Variants in SDK1 observed in about 807,000 individuals in gnomAD.
SDK1 encodes protein sidekick-1.
SDK1 carries 157 observed loss-of-function variants against 245.5 expected under a neutral mutation model. That is an observed-to-expected ratio of 0.64 (90% CI 0.56 to 0.73). The LOEUF (loss-of-function observed/expected upper bound fraction) is 0.73. Among genes scored for constraint, SDK1 ranks in the 30% least tolerant of loss-of-function variants. SDK1 has a pLI of 0.00. For synonymous variants in SDK1, 1,647 were observed against 1,278.5 expected (o/e 1.29, Z -6.15); for missense variants, 3,583 against 3,002.3 (o/e 1.19, Z -4.52).
At chr7:3,501,012 TTTC>T (rs1341143447) in intron 1 of SDK1, among the ~76,000 whole-genome samples, 3 of 152,256 alleles carry the variant, frequency 2.0e-5, no homozygotes, top group Non-Finnish European at 2.9e-5. Flanking sequence ...CTCTGCATAC[TTTC>T]TTCTTTATTA....
At chr7:3,900,118 T>G (rs955489372) in intron 5 of SDK1, among the ~76,000 whole-genome samples, 2 of 152,246 alleles carry the variant, frequency 1.3e-5, no homozygotes, top group Non-Finnish European at 2.9e-5. Context: ...CAGTTTCCTC[T>G]TTGCTGAAGA....
intron 5 of SDK1, among the ~76,000 whole-genome samples, chr7:3,922,812 GT>G: frequency 6.6e-6 from 1 of 152,292 alleles, no homozygotes; most frequent in East Asian, 1.9e-4. Context: ...AGTCGGGGAA[GT>G]TTTTCCACGT....
intron 19 of SDK1, among the ~76,000 whole-genome samples, chr7:4,062,315 G>C (rs970204478): frequency 3.9e-5 from 6 of 152,076 alleles, no homozygotes; most frequent in African/African-American, 1.4e-4. Context: ...AATATCATTT[G>C]AGACTCTTAC....
At chr7:3,717,630 ATAC>A (rs1474253229) in intron 4 of SDK1, among the ~76,000 whole-genome samples, 5 of 152,222 alleles carry the variant, frequency 3.3e-5, no homozygotes, top group Admixed American at 2.6e-4. Context: ...TGATAGGAAA[ATAC>A]TACAGCAGGT....
intron 1 of SDK1, among the ~76,000 whole-genome samples, chr7:3,342,478 C>T (rs1195517076): frequency 6.6e-6 from 1 of 151,988 alleles, no homozygotes; most frequent in East Asian, 1.9e-4. Flanking sequence ...ATCCCAGTTA[C>T]TCAGGAGGCT....
chr7:3,940,167 A>G (rs1780304064), intron 5 of SDK1, among the ~76,000 whole-genome samples: 1 of 147,478 alleles, frequency 6.8e-6, no homozygotes, highest in Non-Finnish European at 1.5e-5. Context: ...GACCTACAGA[A>G]CTTCTCATTG....
At chr7:3,333,015 G>A (rs896898634) in intron 1 of SDK1, among the ~76,000 whole-genome samples, 1 of 152,138 alleles carries the variant, frequency 6.6e-6, no homozygotes, top group East Asian at 1.9e-4. Flanking sequence ...TCAGTGTATT[G>A]TAACCTTTTA....
rs1388837060 is a variant in SDK1 at position 3,962,682 on chromosome 7, G to T, written c.1260G>T (p.Trp420Cys). ...AMGVPLPTLQWYKDAISISRL... is the reference protein window; with the variant it reads ...AMGVPLPTLQCYKDAISISRL... Reference sequence around the variant, plus strand: ...GGGTCCCCCTTCCCACCCTCCAGTGGTACAAGGATGCCATCTCCATCAGCA... The same window carrying T: ...GGGTCCCCCTTCCCACCCTCCAGTGTTACAAGGATGCCATCTCCATCAGCA... Residue 420 changes from tryptophan (W) to cysteine (C), a missense_variant, in exon 9 of 45, where the codon TGG becomes TGT. Trp to Cys is a radical substitution (Grantham distance 215). Transcript: ENST00000404826. The T allele has an allele frequency of 1.2e-6, 2 of 1,613,184 alleles. No homozygotes were observed. Among genetic ancestry groups the T allele is most frequent in the Non-Finnish European group, 1.7e-6 (2 of 1,179,616 alleles).
chr7:4,164,002 C>T (rs896114125), intron 32 of SDK1, among the ~76,000 whole-genome samples: 8 of 152,076 alleles, frequency 5.3e-5, no homozygotes, highest in African/African-American at 1.7e-4. Context: ...TGGAGGTGTG[C>T]GGGGCTGCGT....
At chr7:3,392,610 C>G (rs1781786209) in intron 1 of SDK1, among the ~76,000 whole-genome samples, 1 of 152,122 alleles carries the variant, frequency 6.6e-6, no homozygotes, top group Admixed American at 6.5e-5. Context: ...GCAATAATTT[C>G]CCATTTCTTC....
In SDK1 at chr7:4,265,287, T is replaced by C; in HGVS notation, c.6545T>C (p.Leu2182Pro). Residue 2182 changes from leucine to proline, a missense_variant, in exon 45 of 45, where the codon CTG becomes CCG. Physicochemically the swap from Leu to Pro is moderately conservative, Grantham distance 98. Transcript: ENST00000404826. The stretch of plus-strand genomic sequence containing the variant: ...GCGGGCTCCGAGGCGGGCGCGCAGC[T>C]GCACCCGGTCATCACCACGCAGAGC... Reference protein sequence around the residue: ...AVAGSEAGAQLHPVITTQSAG... With the variant: ...AVAGSEAGAQPHPVITTQSAG... The C allele has an allele frequency of 5.7e-6, 9 of 1,585,028 alleles. No homozygotes were observed. Among genetic ancestry groups the C allele is most frequent in the Non-Finnish European group, 7.7e-6 (9 of 1,172,578 alleles).
chr7:3,613,446 A>G (rs1232453600), intron 1 of SDK1, among the ~76,000 whole-genome samples: 1 of 152,162 alleles, frequency 6.6e-6, no homozygotes, highest in Non-Finnish European at 1.5e-5. Context: ...CTTTTTCTCC[A>G]CAACCTCTCC....
chr7:3,711,510 C>T (rs891206112), intron 4 of SDK1, among the ~76,000 whole-genome samples: 1 of 152,084 alleles, frequency 6.6e-6, no homozygotes, highest in African/African-American at 2.4e-5. Context: ...GGTGGGTGAT[C>T]GGGAAGGCTG....
intron 1 of SDK1, among the ~76,000 whole-genome samples, chr7:3,527,471 G>A (rs1323881446): frequency 6.6e-6 from 1 of 152,210 alleles, no homozygotes; most frequent in Non-Finnish European, 1.5e-5. Context: ...GAAGGGAGCA[G>A]CAAGTCAAGA....
At chr7:3,686,784 T>G (rs1562371129) in intron 4 of SDK1, among the ~76,000 whole-genome samples, 1 of 152,102 alleles carries the variant, frequency 6.6e-6, no homozygotes. Flanking sequence ...CGAGGTCAGC[T>G]TATGTATGGA....
At position 3,477,505 on chromosome 7, in the gene SDK1, C is replaced by G. The variant is rs545672635; in HGVS notation, c.299-141575C>G. Among the ~76,000 whole-genome samples the G allele has an allele frequency of 1.1e-3, 167 of 149,074 alleles. 2 individuals carry two copies. Among genetic ancestry groups the G allele is most frequent in the African/African-American group, 3.8e-3 (157 of 40,802 alleles). On this transcript the variant is annotated intron_variant, in intron 1 of 44. Coordinates refer to ENST00000404826, the MANE Select transcript of SDK1 (RefSeq NM_152744.4). The stretch of plus-strand genomic sequence containing the variant: ...CCCTGCTCGGCCTATGGTTTTGTTT[C>G]TTTCTTTTTTCTTTTTTTTTTTTTA...
chr7:3,835,333 G>T (rs554585582), intron 5 of SDK1, among the ~76,000 whole-genome samples: 1 of 152,072 alleles, frequency 6.6e-6, no homozygotes, highest in Non-Finnish European at 1.5e-5. Context: ...TGCTGGTTGC[G>T]GGCGTCCCTC....
intron 8 of SDK1, 83 bp from the exon 9 acceptor site, chr7:3,962,574 A>T (rs1781784414): frequency 2.5e-6 from 3 of 1,210,578 alleles, no homozygotes; most frequent in Non-Finnish European, 3.4e-6. Context: ...AAATATTGGC[A>T]TTCTAGCCTT....
intron 4 of SDK1, among the ~76,000 whole-genome samples, chr7:3,815,927 C>G (rs1176204730): frequency 1.4e-5 from 2 of 144,416 alleles, no homozygotes; most frequent in Non-Finnish European, 3.0e-5. Context: ...AACTAGAACT[C>G]AAGATTAAGA....
Sources: allele counts gnomAD v4.1 joint callset (sites outside exome capture counted in the v4.1 genomes callset), GRCh38; gene constraint gnomAD v4.1.1; transcripts MANE v1.5; gene names NCBI Gene and HGNC (gene_info 2026-07-23, HGNC 2026-07-21).